The following WWOX variants were observed in gnomAD, a reference collection of about 807,000 sequenced individuals.
WWOX encodes WW domain containing oxidoreductase.
WWOX carries 69 observed loss-of-function variants against 46.2 expected under a neutral mutation model. The observed-to-expected ratio is 1.49, with a 90% CI of 1.23 to 1.82. The LOEUF (loss-of-function observed/expected upper bound fraction) is 1.82. WWOX is among the 40% of genes most tolerant of loss of function. WWOX has a pLI of 0.00. For missense variants in WWOX, 919 were observed against 542.6 expected (o/e 1.69, Z -6.89); for synonymous variants, 359 against 202.6 (o/e 1.77, Z -6.56).
chr16:78,838,714 A>G (rs1457527387), intron 8 of WWOX, among the ~76,000 whole-genome samples: 1 of 152,122 alleles, frequency 6.6e-6, no homozygotes, highest in Non-Finnish European at 1.5e-5. Context: ...GTGGTAGCAC[A>G]CACCTGTAAT....
intron 8 of WWOX, among the ~76,000 whole-genome samples, chr16:79,081,781 C>T (rs371562318): frequency 6.6e-6 from 1 of 152,088 alleles, no homozygotes. Flanking sequence ...GATGCTCCTG[C>T]CTGGCTGCCT....
intron 5 of WWOX, among the ~76,000 whole-genome samples, chr16:78,312,195 A>T (rs1278697054): frequency 6.6e-6 from 1 of 152,144 alleles, no homozygotes; most frequent in East Asian, 1.9e-4. Flanking sequence ...AGCAAACCTA[A>T]TTCTATCTGC....
At position 78,227,746 on chromosome 16, in the gene WWOX, G is replaced by A. The variant is rs578001664; in HGVS notation, c.516+63457G>A. On this transcript the variant is annotated intron_variant, in intron 5 of 8. Coordinates refer to ENST00000566780, the MANE Select transcript of WWOX (RefSeq NM_016373.4). ...ACAAAAATTAGCCAGGTGCGGTGGCGCAAACCTGTAATCCCAGCTACTTGG... is the reference window on the plus strand; with the variant it reads ...ACAAAAATTAGCCAGGTGCGGTGGCACAAACCTGTAATCCCAGCTACTTGG... Among the ~76,000 whole-genome samples, 9 of 152,074 alleles carry A rather than the reference G, an allele frequency of 5.9e-5. No homozygotes were observed. In the East Asian group the frequency reaches 1.2e-3, roughly 20 times the overall value.
rs550108551 is a variant in WWOX, at chr16:78,349,362, G to T, written c.517-37498G>T. ...AGTACGGGTTAGGTCTTCAGCATAT[G>T]AATTTTGGGGAAACAGAATCCAGCT... On this transcript the variant is annotated intron_variant, in intron 5 of 8. Transcript: ENST00000566780. Among the ~76,000 whole-genome samples the T allele has an allele frequency of 3.2e-4, 39 of 121,246 alleles. 7 individuals carry two copies. The highest frequency in any genetic ancestry group is 1.1e-3 in the African/African-American group (38 of 35,780). The allele number at this position is 121,246 out of a possible 152,430, so 79.5% of individuals were successfully genotyped here. A position where few individuals can be genotyped will look rare whatever the true frequency, so the allele number is the denominator to read the frequency against.
At chr16:78,407,992 C>T (rs1163947439) in intron 6 of WWOX, among the ~76,000 whole-genome samples, 4 of 152,166 alleles carry the variant, frequency 2.6e-5, no homozygotes, top group Non-Finnish European at 5.9e-5. Context: ...CCTGTCCCTG[C>T]TCAAGTTGGT....
chr16:78,748,142 A>C (rs765175436), intron 8 of WWOX, among the ~76,000 whole-genome samples: 14 of 151,986 alleles, frequency 9.2e-5, no homozygotes, highest in African/African-American at 2.9e-4. Context: ...GCATTTATCC[A>C]TTGCACCCCG....
At chr16:78,166,130 A>G (rs766964584) in intron 5 of WWOX, among the ~76,000 whole-genome samples, 2 of 152,112 alleles carry the variant, frequency 1.3e-5, no homozygotes, top group African/African-American at 2.4e-5. Context: ...AAGGTTATCT[A>G]TATACCAGCA....
At chr16:79,143,592 A>T (rs2050130827) in intron 8 of WWOX, among the ~76,000 whole-genome samples, 1 of 152,196 alleles carries the variant, frequency 6.6e-6, no homozygotes, top group Non-Finnish European at 1.5e-5. Context: ...AGTTTTAGGG[A>T]TGATAAAAAT....
At chr16:78,819,804 C>T (rs567606794) in intron 8 of WWOX, among the ~76,000 whole-genome samples, 1 of 152,178 alleles carries the variant, frequency 6.6e-6, no homozygotes, top group East Asian at 1.9e-4. Context: ...CAAAGCTTGG[C>T]AATATCTCTG....
intron 8 of WWOX, among the ~76,000 whole-genome samples, chr16:79,029,596 C>G (rs2047713667): frequency 6.6e-6 from 1 of 152,070 alleles, no homozygotes; most frequent in Non-Finnish European, 1.5e-5. Context: ...CTCCTCCTAC[C>G]CCACAAAGAA....
At chr16:78,962,205 T>G (rs2046283530) in intron 8 of WWOX, among the ~76,000 whole-genome samples, 1 of 151,738 alleles carries the variant, frequency 6.6e-6, no homozygotes, top group African/African-American at 2.4e-5. Flanking sequence ...TGTGGATGAC[T>G]TTCTGTGTGA....
intron 8 of WWOX, among the ~76,000 whole-genome samples, chr16:78,524,200 C>T (rs1010075672): frequency 2.6e-5 from 4 of 152,244 alleles, no homozygotes; most frequent in African/African-American, 2.4e-5. Context: ...ATTTTTATTG[C>T]AAAGGTACTG....
chr16:79,004,286 G>T (rs902289485), intron 8 of WWOX: 14 of 152,168 alleles, frequency 9.2e-5, no homozygotes, highest in African/African-American at 3.1e-4. Flanking sequence ...TGGCAGTACC[G>T]CATGGCGAGC....
intron 8 of WWOX, among the ~76,000 whole-genome samples, chr16:78,791,774 G>A (rs913947352): frequency 1.3e-5 from 2 of 152,202 alleles, no homozygotes; most frequent in East Asian, 1.9e-4. Context: ...CAGCTACTTG[G>A]AAGGCTGAGG....
intron 5 of WWOX, among the ~76,000 whole-genome samples, chr16:78,368,163 G>C (rs1270339356): frequency 1.3e-5 from 2 of 152,194 alleles, no homozygotes; most frequent in African/African-American, 4.8e-5. Context: ...GGGCTCAGTA[G>C]CGTAGAATAA....
At chr16:78,887,850 T>C (rs2044500723) in intron 8 of WWOX, among the ~76,000 whole-genome samples, 1 of 152,212 alleles carries the variant, frequency 6.6e-6, no homozygotes, top group South Asian at 2.1e-4. Flanking sequence ...TGTTTAACAG[T>C]AATTGGTTCA....
intron 8 of WWOX, among the ~76,000 whole-genome samples, chr16:78,923,422 C>G (rs185514063): frequency 1.8e-4 from 27 of 152,276 alleles, no homozygotes; most frequent in Middle Eastern, 6.8e-3. Flanking sequence ...AGTCCCAGGT[C>G]CAGCCTGCTA....
chr16:78,531,010 C>A (rs927076830), intron 8 of WWOX, among the ~76,000 whole-genome samples: 1 of 152,182 alleles, frequency 6.6e-6, no homozygotes, highest in Non-Finnish European at 1.5e-5. Flanking sequence ...AATTTCAAAG[C>A]AATCTATGGT....
At chr16:78,416,857 T>G (rs2082808834) in intron 6 of WWOX, among the ~76,000 whole-genome samples, 2 of 151,330 alleles carry the variant, frequency 1.3e-5, no homozygotes, top group Admixed American at 6.6e-5. Flanking sequence ...ATGGGAGGAG[T>G]ATATTTAGTT....
Sources: gnomAD v4.1 joint callset for allele counts (sites outside exome capture counted in the v4.1 genomes callset) on GRCh38, gnomAD v4.1.1 for gene constraint, MANE v1.5 for transcripts, NCBI Gene and HGNC (gene_info 2026-07-23, HGNC 2026-07-21) for gene names.